The following ASRGL1 variants were observed in gnomAD, a reference collection of about 807,000 sequenced individuals.
ASRGL1 encodes the protein isoaspartyl peptidase/L-asparaginase.
A neutral mutation model predicts 22.4 loss-of-function variants in ASRGL1; 16 were observed. That is an observed-to-expected ratio of 0.71 (90% confidence interval 0.48 to 1.08). The LOEUF (loss-of-function observed/expected upper bound fraction) is 1.08, where lower values mean the gene tolerates loss of function less well. Ranked by LOEUF, ASRGL1 falls within the 50% of genes least tolerant of loss-of-function variation. The pLI, the probability that ASRGL1 is intolerant of heterozygous loss-of-function variation, is 0.00. For missense variants in ASRGL1, 412 were observed against 410.1 expected (o/e 1.00, Z -0.04); for synonymous variants, 165 against 159.3 (o/e 1.04, Z -0.27).
chr11:62,373,236 T>G, intron 4 of ASRGL1: 1 of 807,250 alleles, frequency 1.2e-6, no homozygotes, highest in Non-Finnish European at 2.2e-6. Flanking sequence ...CCATGTGCAC[T>G]GGGACGGGAA....
chr11:62,371,569 G>A (rs1270065844), intron 4 of ASRGL1: 3 of 695,866 alleles, frequency 4.3e-6, no homozygotes, highest in African/African-American at 3.5e-5. Flanking sequence ...ACAATACACT[G>A]CGGAAGGCCA....
In ASRGL1 at chr11:62,393,276, C is replaced by G. The variant is rs1947386064; in HGVS notation, c.*992C>G. 6.6e-6 allele frequency: 1 copy of G among 152,178 alleles called. No homozygotes were observed. The highest frequency in any genetic ancestry group is 2.1e-4 in the South Asian group (1 of 4,828). The allele number at this position is 152,178 out of a possible 1,614,324, so 9.4% of individuals were successfully genotyped here. ...CGGTGGGCAGTATTCCTCTTTATCT[C>G]TCATTACACTGGAAATGTTATTTCT... On this transcript the variant is annotated 3_prime_UTR_variant, in exon 7 of 7. Coordinates refer to ENST00000415229, the MANE Select transcript of ASRGL1 (RefSeq NM_001083926.2).
At chr11:62,379,601 G>A (rs1039137888) in intron 4 of ASRGL1, among the ~76,000 whole-genome samples, 3 of 152,310 alleles carry the variant, frequency 2.0e-5, no homozygotes, top group East Asian at 1.9e-4. Context: ...CCTAAGATTA[G>A]TCCTACAGTC....
intron 5 of ASRGL1, among the ~76,000 whole-genome samples, chr11:62,390,222 AT>A (rs949786609): frequency 6.6e-6 from 1 of 152,236 alleles, no homozygotes; most frequent in African/African-American, 2.4e-5. Context: ...CTAGAAATTA[AT>A]TTTAAGCTTG....
downstream of ASRGL1, among the ~76,000 whole-genome samples, chr11:62,395,324 G>A (rs1056097737): frequency 1.3e-5 from 2 of 151,960 alleles, no homozygotes; most frequent in African/African-American, 4.8e-5. Flanking sequence ...CAGGAAGACA[G>A]ATACATCGTC....
intron 4 of ASRGL1, among the ~76,000 whole-genome samples, chr11:62,358,568 A>G (rs141876454): frequency 6.6e-6 from 1 of 152,126 alleles, no homozygotes; most frequent in African/African-American, 2.4e-5. Context: ...GCTGCTTTAC[A>G]CGTAAGCAAG....
chr11:62,373,217 C>G, intron 4 of ASRGL1: 1 of 893,522 alleles, frequency 1.1e-6, no homozygotes, highest in Non-Finnish European at 1.9e-6. Flanking sequence ...CTCATGGCAG[C>G]TGTCATTTCC....
chr11:62,372,843 A>T, intron 4 of ASRGL1: 1 of 1,602,328 alleles, frequency 6.2e-7, no homozygotes, highest in Non-Finnish European at 8.5e-7. Flanking sequence ...GGCCACCAAC[A>T]CCTCCCATGA....
intron 4 of ASRGL1, among the ~76,000 whole-genome samples, chr11:62,388,649 G>A (rs987370225): frequency 7.5e-4 from 95 of 127,012 alleles, no homozygotes; most frequent in African/African-American, 2.6e-3. Flanking sequence ...CAGCCTGGGC[G>A]ACAAAGTGAG....
chr11:62,362,486 AATATATATTATATAAAATATATAAC>A (rs1391110825), intron 4 of ASRGL1, among the ~76,000 whole-genome samples: 1 of 82,716 alleles, frequency 1.2e-5, no homozygotes, highest in East Asian at 2.7e-4. Context: ...AAATATATAT[AATATATATTATATAAAATATATAAC>A]ATATATTATT....
chr11:62,345,511 C>T (rs1348717186), intron 2 of ASRGL1, among the ~76,000 whole-genome samples: 1 of 152,132 alleles, frequency 6.6e-6, no homozygotes, highest in South Asian at 2.1e-4. Flanking sequence ...TCAAGTGATC[C>T]ACCAGCCTCA....
chr11:62,383,146 C>G (rs1033938071), intron 4 of ASRGL1: 2 of 152,172 alleles, frequency 1.3e-5, no homozygotes, highest in Non-Finnish European at 2.9e-5. Context: ...ATTTCTAAAT[C>G]TAAGTACTGC....
At chr11:62,376,077 G>T (rs1216163530) in intron 4 of ASRGL1, among the ~76,000 whole-genome samples, 2 of 138,878 alleles carry the variant, frequency 1.4e-5, no homozygotes, top group East Asian at 4.1e-4. Context: ...ACTCCAGCCT[G>T]GTGACGGAGC....
At chr11:62,395,606 C>T (rs924827607), downstream of ASRGL1, among the ~76,000 whole-genome samples, 5 of 152,016 alleles carry the variant, frequency 3.3e-5, no homozygotes, top group Non-Finnish European at 7.4e-5. Flanking sequence ...ACGTTAGTCC[C>T]CTTCAGTGTC....
intron 4 of ASRGL1, 77 bp downstream of exon 4, chr11:62,357,221 G>GTTGTT (rs1484578644): frequency 8.4e-5 from 54 of 645,832 alleles, no homozygotes; most frequent in Middle Eastern, 3.9e-4. Flanking sequence ...GTTATCTACA[G>GTTGTT]TTCTTTTGTT....
At chr11:62,360,554 C>T (rs2134620192) in intron 4 of ASRGL1, among the ~76,000 whole-genome samples, 1 of 152,268 alleles carries the variant, frequency 6.6e-6, no homozygotes, top group South Asian at 2.1e-4. Flanking sequence ...AGGCTGCTTG[C>T]ATTTTCCAAC....
chr11:62,392,560 C>T lies in ASRGL1; in HGVS notation c.*276C>T. On this transcript the variant is annotated 3_prime_UTR_variant, in exon 7 of 7. Transcript: ENST00000415229. Reference sequence around the variant, plus strand: ...CTCCAGCCTGGGCAACAGAGCCAGGCCCTGTATCAAAAAAAAAAAAAAAAA... The same window carrying T: ...CTCCAGCCTGGGCAACAGAGCCAGGTCCTGTATCAAAAAAAAAAAAAAAAA... 7.6e-6 allele frequency: 3 copies of T among 396,868 alleles called. No homozygotes were observed. Among genetic ancestry groups the T allele is most frequent in the South Asian group, 3.3e-5 (1 of 29,936 alleles). 24.6% of individuals were successfully genotyped at this position (396,868 alleles called of 1,614,324 possible).
chr11:62,378,733 G>A (rs1946991362), intron 4 of ASRGL1, among the ~76,000 whole-genome samples: 1 of 152,058 alleles, frequency 6.6e-6, no homozygotes, highest in African/African-American at 2.4e-5. Flanking sequence ...CGAGAACGAA[G>A]GCTCAATATG....
intron 4 of ASRGL1, among the ~76,000 whole-genome samples, chr11:62,358,294 C>T (rs1404238825): frequency 6.9e-6 from 1 of 145,624 alleles, no homozygotes; most frequent in Non-Finnish European, 1.5e-5. Context: ...CGCTTGAACC[C>T]GGGAGGCAGA....
Sources: gnomAD v4.1 joint callset for allele counts (sites outside exome capture counted in the v4.1 genomes callset) on GRCh38, gnomAD v4.1.1 for gene constraint, MANE v1.5 for transcripts, NCBI Gene and HGNC (gene_info 2026-07-23, HGNC 2026-07-21) for gene names.